The following MANBAL variants were observed in gnomAD, a reference collection of about 807,000 sequenced individuals.
The protein encoded by MANBAL is protein MANBAL.
A neutral mutation model predicts 6.4 loss-of-function variants in MANBAL; 1 was observed. The ratio of observed to expected loss-of-function variants is 0.16; its 90% confidence interval spans 0.06 to 0.74. The LOEUF (loss-of-function observed/expected upper bound fraction) is 0.74. Among genes scored for constraint, MANBAL ranks in the 30% least tolerant of loss-of-function variants. MANBAL has a pLI of 0.78. For missense variants in MANBAL, 100 were observed against 107.8 expected (o/e 0.93, Z 0.32); for synonymous variants, 47 against 45.8 (o/e 1.03, Z -0.10).
chr20:37,296,565 C>A (rs1324283142), intron 1 of MANBAL, among the ~76,000 whole-genome samples: 1 of 152,186 alleles, frequency 6.6e-6, no homozygotes. Context: ...TGTACCATCA[C>A]TGGGTTAACT....
At chr20:37,307,960 A>C (rs1412697261) in intron 2 of MANBAL, among the ~76,000 whole-genome samples, 2 of 152,142 alleles carry the variant, frequency 1.3e-5, no homozygotes, top group Non-Finnish European at 2.9e-5. Flanking sequence ...GGAGCGCCGC[A>C]GGGCCTCCGG....
rs753530843 is a variant in MANBAL, at chr20:37,316,644, A to G, written c.*229A>G. On this transcript the variant is annotated 3_prime_UTR_variant, in exon 3 of 3. Coordinates refer to ENST00000373606, the MANE Select transcript of MANBAL (RefSeq NM_001003897.2). Reference sequence around the variant, plus strand: ...ACGGTTTAGAGTCAAGGGGGCTGAAACACACTGTGAGCATAGACTGTATTA... The same window carrying G: ...ACGGTTTAGAGTCAAGGGGGCTGAAGCACACTGTGAGCATAGACTGTATTA... 9.4e-6 allele frequency: 4 copies of G among 426,276 alleles called. No homozygotes were observed. Among genetic ancestry groups the G allele is most frequent in the Non-Finnish European group, 1.7e-5 (4 of 230,348 alleles). 26.4% of individuals were successfully genotyped at this position (426,276 alleles called of 1,614,324 possible). A position where few individuals can be genotyped will look rare whatever the true frequency, so the allele number is the denominator to read the frequency against.
intron 2 of MANBAL, among the ~76,000 whole-genome samples, chr20:37,315,707 C>T (rs562620624): frequency 1.3e-5 from 2 of 152,232 alleles, no homozygotes; most frequent in Non-Finnish European, 2.9e-5. Context: ...ACAGGCTCCG[C>T]AGAACACAGT....
Position 37,301,308 on chromosome 20 carries a change from C to T in MANBAL, c.45C>T (p.Pro15=). 6.2e-7 allele frequency: 1 copy of T among 1,612,174 alleles called. No homozygotes were observed. Among genetic ancestry groups the T allele is most frequent in the South Asian group, 1.1e-5 (1 of 90,886 alleles). The change falls in exon 2 of 3, where the codon CCC becomes CCT. Residue 15 remains proline, a synonymous_variant. Coordinates refer to ENST00000373606, the MANE Select transcript of MANBAL (RefSeq NM_001003897.2). ...TCTCACCTCCGGAGGTGCCCGAGCC[C>T]ACTTTCCTGGAGAACCTGCTACGGT... The part of the protein sequence containing the change: ...LDFSPPEVPE[P]TFLENLLRYG...
At chr20:37,297,891 C>G (rs2069035343) in intron 1 of MANBAL, among the ~76,000 whole-genome samples, 1 of 152,138 alleles carries the variant, frequency 6.6e-6, no homozygotes. Flanking sequence ...GTGATCTGCC[C>G]ACCTCAGCCT....
At position 37,295,809 on chromosome 20, in the gene MANBAL, T is replaced by C. The variant is rs192636754; in HGVS notation, c.-56-5399T>C. Among the ~76,000 whole-genome samples the C allele has an allele frequency of 2.0e-5, 3 of 152,340 alleles. No individual in the cohort carries two copies. The East Asian group carries it at 5.8e-4, about 29-fold the overall frequency. On this transcript the variant is annotated intron_variant, in intron 1 of 2. Transcript: ENST00000373606. ...TTCATTTGCCGACTGCTGCTGCTGC[T>C]GGAACAATGGCCAGGGAACAAAACC...
chr20:37,316,384 G>A lies in MANBAL; in HGVS notation c.227G>A (p.Arg76Lys), dbSNP rs1340336210. Residue 76 changes from arginine to lysine, a missense_variant, in exon 3 of 3, where the codon AGG becomes AAG. Arg to Lys is a conservative substitution (Grantham distance 26). Transcript: ENST00000373606. ...GCTGCTGTTCCTTCTGTGAACAAGA[G>A]GCCCAAGAAAGAGACTAAGAAGAAG... ...PKAAVPSVNK[R>K]PKKETKKKR 3 of 1,613,824 alleles carry A rather than the reference G, an allele frequency of 1.9e-6. No homozygotes were observed. The highest frequency in any genetic ancestry group is 1.7e-5 in the Admixed American group (1 of 60,012).
At chr20:37,304,341 A>G (rs2069208351) in intron 2 of MANBAL, among the ~76,000 whole-genome samples, 1 of 152,194 alleles carries the variant, frequency 6.6e-6, no homozygotes, top group African/African-American at 2.4e-5. Flanking sequence ...AATATTTCTC[A>G]AAGTCAAAAC....
At chr20:37,292,064 C>T (rs1434291330) in intron 1 of MANBAL, among the ~76,000 whole-genome samples, 1 of 152,196 alleles carries the variant, frequency 6.6e-6, no homozygotes, top group Non-Finnish European at 1.5e-5. Context: ...GCTTGAGCCA[C>T]CTGGCTTGAG....
chr20:37,310,648 A>G (rs1289686947), intron 2 of MANBAL, among the ~76,000 whole-genome samples: 1 of 152,216 alleles, frequency 6.6e-6, no homozygotes, highest in Non-Finnish European at 1.5e-5. Context: ...ACATTTGATT[A>G]TTTGGATCTG....
chr20:37,315,881 G>A (rs976402916), intron 2 of MANBAL, among the ~76,000 whole-genome samples: 2 of 152,266 alleles, frequency 1.3e-5, no homozygotes, highest in Non-Finnish European at 2.9e-5. Context: ...CTGGCACGAG[G>A]TGATCGGCCA....
intron 1 of MANBAL, among the ~76,000 whole-genome samples, chr20:37,290,857 C>T (rs1425252775): frequency 6.6e-6 from 1 of 152,214 alleles, no homozygotes; most frequent in African/African-American, 2.4e-5. Flanking sequence ...TATCCTTCCT[C>T]CTGGACCTCC....
chr20:37,303,541 A>C lies in MANBAL; in HGVS notation c.150+2128A>C, dbSNP rs528428406. ...ATCTTGTTCTCAATAACATTAACAA[A>C]ATGATGTATCTGCTAGATCCTACTG... On this transcript the variant is annotated intron_variant, in intron 2 of 2. Coordinates refer to ENST00000373606, the MANE Select transcript of MANBAL (RefSeq NM_001003897.2). Among the ~76,000 whole-genome samples, 11 of 152,296 alleles carry C rather than the reference A, an allele frequency of 7.2e-5. No homozygotes were observed. In the South Asian group the frequency reaches 2.3e-3, roughly 32 times the overall value.
intron 2 of MANBAL, among the ~76,000 whole-genome samples, chr20:37,307,216 T>C (rs1266071158): frequency 1.3e-5 from 2 of 152,188 alleles, no homozygotes; most frequent in African/African-American, 4.8e-5. Flanking sequence ...TTCTCTCACC[T>C]TGGCCTCCCA....
At chr20:37,306,445 C>T (rs765022509) in intron 2 of MANBAL, among the ~76,000 whole-genome samples, 19 of 152,166 alleles carry the variant, frequency 1.2e-4, no homozygotes, top group South Asian at 8.3e-4. Flanking sequence ...ACCCCACCCC[C>T]TTCCTTTTCA....
chr20:37,301,491 A>G (rs1028357772), intron 2 of MANBAL, 78 bp downstream of exon 2: 3 of 1,478,598 alleles, frequency 2.0e-6, no homozygotes, highest in Non-Finnish European at 2.7e-6. Context: ...TGCCACCACA[A>G]CTGAGATCAG....
At chr20:37,307,261 C>T (rs751332808) in intron 2 of MANBAL, among the ~76,000 whole-genome samples, 39 of 152,122 alleles carry the variant, frequency 2.6e-4, no homozygotes, top group Non-Finnish European at 4.0e-4. Context: ...CCAGTGTGCC[C>T]GGCTTGGATC....
At chr20:37,301,707 A>G (rs2069141507) in intron 2 of MANBAL, among the ~76,000 whole-genome samples, 1 of 152,238 alleles carries the variant, frequency 6.6e-6, no homozygotes, top group South Asian at 2.1e-4. Flanking sequence ...TAACAAAAAC[A>G]TACCTCCATG....
chr20:37,305,595 T>A (rs758236444), intron 2 of MANBAL, among the ~76,000 whole-genome samples: 2 of 151,936 alleles, frequency 1.3e-5, no homozygotes, highest in African/African-American at 4.8e-5. Flanking sequence ...GTACATGACA[T>A]CTCTCATTTT....
Sources: gnomAD v4.1 joint callset for allele counts (sites outside exome capture counted in the v4.1 genomes callset) on GRCh38, gnomAD v4.1.1 for gene constraint, MANE v1.5 for transcripts, NCBI Gene and HGNC (gene_info 2026-07-23, HGNC 2026-07-21) for gene names.